The following SRGAP2C variants were observed in gnomAD, a reference collection of about 807,000 sequenced individuals.
The protein encoded by SRGAP2C is SLIT-ROBO Rho GTPase activating protein 2C, also known as SLIT-ROBO Rho GTPase-activating protein 2C.
In SRGAP2C, 15 loss-of-function variants were observed where a neutral mutation model predicts 25.1. The ratio of observed to expected loss-of-function variants is 0.60; its 90% CI spans 0.40 to 0.92. The LOEUF (loss-of-function observed/expected upper bound fraction) is 0.92, where lower values mean the gene tolerates loss of function less well. Among genes scored for constraint, SRGAP2C ranks in the 40% least tolerant of loss-of-function variants. SRGAP2C has a pLI of 0.00. For synonymous variants in SRGAP2C, 44 were observed against 96.6 expected, an observed-to-expected ratio of 0.46 and a Z score of 3.19; for missense variants, 144 against 264.4, an observed-to-expected ratio of 0.54 and a Z score of 3.16.
At chr1:121,212,124 T>A (rs1401145865) in intron 2 of SRGAP2C, among the ~76,000 whole-genome samples, 2 of 26,658 alleles carry the variant, frequency 7.5e-5, no homozygotes, top group Non-Finnish European at 1.1e-4. Context: ...TGGAGCTGTA[T>A]TTTTTTTTTT....
At chr1:121,319,747 A>G (rs1438460493) in intron 3 of SRGAP2C, among the ~76,000 whole-genome samples, 1 of 117,130 alleles carries the variant, frequency 8.5e-6, no homozygotes, top group Non-Finnish European at 1.7e-5. Context: ...CCTCTCAAGT[A>G]CAGTATGATG....
chr1:121,378,681 G>A (rs1659733334), intron 7 of SRGAP2C, among the ~76,000 whole-genome samples: 2 of 152,054 alleles, frequency 1.3e-5, no homozygotes, highest in Admixed American at 6.5e-5. Context: ...TTAAGACACG[G>A]GATGAATCCT....
chr1:121,309,395 A>G (rs1657927543), intron 3 of SRGAP2C, among the ~76,000 whole-genome samples: 1 of 142,790 alleles, frequency 7.0e-6, no homozygotes, highest in Non-Finnish European at 1.5e-5. Flanking sequence ...CATATAATAT[A>G]TCTAGCACTA....
At chr1:121,233,247 A>C (rs1553327877) in intron 2 of SRGAP2C, among the ~76,000 whole-genome samples, 1 of 76,898 alleles carries the variant, frequency 1.3e-5, no homozygotes, top group Non-Finnish European at 2.6e-5. Flanking sequence ...CCTGGATTCA[A>C]GTGTTTCTCC....
intron 2 of SRGAP2C, among the ~76,000 whole-genome samples, chr1:121,230,863 G>A (rs1553327433): frequency 6.6e-6 from 1 of 151,664 alleles, no homozygotes; most frequent in Admixed American, 6.6e-5. Context: ...CCATAAAAAA[G>A]AATGAGTTCA....
intron 3 of SRGAP2C, among the ~76,000 whole-genome samples, chr1:121,309,285 T>A (rs1264273150): frequency 1.2e-5 from 1 of 86,020 alleles, no homozygotes. Context: ...TTTATTTATT[T>A]TTTATTTATT....
At chr1:121,283,831 G>A (rs1657303882) in intron 2 of SRGAP2C, among the ~76,000 whole-genome samples, 1 of 151,744 alleles carries the variant, frequency 6.6e-6, no homozygotes, top group Non-Finnish European at 1.5e-5. Flanking sequence ...TCCTGTGAGT[G>A]CCAGGTCTCT....
At chr1:121,217,612 C>T (rs1231474208) in intron 2 of SRGAP2C, among the ~76,000 whole-genome samples, 14 of 151,902 alleles carry the variant, frequency 9.2e-5, no homozygotes, top group Non-Finnish European at 5.9e-5. Flanking sequence ...ACTCAAATTC[C>T]ACTGAAGTCT....
chr1:121,336,140 T>C (rs1553342477), intron 4 of SRGAP2C, among the ~76,000 whole-genome samples: 1 of 152,214 alleles, frequency 6.6e-6, no homozygotes, highest in Admixed American at 6.5e-5. Flanking sequence ...CCAAATTCTA[T>C]CTTCCTTACA....
intron 3 of SRGAP2C, among the ~76,000 whole-genome samples, chr1:121,285,404 T>TCTCACACA (rs1553336851): frequency 1.6e-5 from 2 of 124,490 alleles, no homozygotes; most frequent in African/African-American, 5.9e-5. Context: ...TCTCTCTCTC[T>TCTCACACA]CACACACACA....
chr1:121,361,831 GT>G (rs1250638040), intron 4 of SRGAP2C: 1 of 133,294 alleles, frequency 7.5e-6, no homozygotes, highest in Non-Finnish European at 1.6e-5. Context: ...TTTGTCCAAA[GT>G]AATTTTTTCC....
intron 2 of SRGAP2C, among the ~76,000 whole-genome samples, chr1:121,237,961 T>C (rs1655999952): frequency 1.0e-5 from 1 of 99,924 alleles, no homozygotes; most frequent in Non-Finnish European, 2.1e-5. Flanking sequence ...AGAACCAGCA[T>C]TGGGTTTTCT....
chr1:121,306,737 GA>G (rs1256245452), intron 3 of SRGAP2C, among the ~76,000 whole-genome samples: 1 of 143,048 alleles, frequency 7.0e-6, no homozygotes, highest in African/African-American at 2.6e-5. Context: ...AAGAAAAAAA[GA>G]AAAAAACGAT....
At chr1:121,329,238 A>G (rs1406740857) in intron 4 of SRGAP2C, among the ~76,000 whole-genome samples, 26 of 152,106 alleles carry the variant, frequency 1.7e-4, no homozygotes, top group Non-Finnish European at 3.8e-4. Context: ...AGAGAGATTA[A>G]GAAAAATGAA....
At chr1:121,278,153 C>T (rs1177100923) in intron 2 of SRGAP2C, among the ~76,000 whole-genome samples, 1 of 151,854 alleles carries the variant, frequency 6.6e-6, no homozygotes, top group Non-Finnish European at 1.5e-5. Context: ...TGCCATGTTG[C>T]CCAGGCTCGT....
rs1315581028 is a variant in SRGAP2C, at chr1:121,391,492, TTTTC to T, written c.*3641_*3644del. 6.6e-6 allele frequency: 1 copy of T among 152,316 alleles called. No individual in the cohort carries two copies. Among genetic ancestry groups the T allele is most frequent in the Non-Finnish European group, 1.5e-5 (1 of 68,062 alleles). 9.4% of individuals were successfully genotyped at this position (152,316 alleles called of 1,614,324 possible). ...ATTTTGCTGGACAATGATTACTTGC[TTTTC>T]TTTTTGTTTTTCTTGTATATGCCTG... On this transcript the variant is annotated 3_prime_UTR_variant, in exon 10 of 10. Coordinates refer to ENST00000367123, the MANE Select transcript of SRGAP2C (RefSeq NM_001329984.2).
At chr1:121,208,887 C>T (rs1655182301) in intron 2 of SRGAP2C, among the ~76,000 whole-genome samples, 1 of 151,650 alleles carries the variant, frequency 6.6e-6, no homozygotes, top group Non-Finnish European at 1.5e-5. Flanking sequence ...CAGATGTCTT[C>T]TCAACTGTAG....
Position 121,392,226 on chromosome 1 carries a change from A to G in SRGAP2C, c.*4371A>G, listed in dbSNP as rs1570847452. 6.6e-6 allele frequency: 1 copy of G among 152,198 alleles called. No homozygotes were observed. The highest frequency in any genetic ancestry group is 1.5e-5 in the Non-Finnish European group (1 of 68,016). 9.4% of individuals were successfully genotyped at this position (152,198 alleles called of 1,614,324 possible). A position where few individuals can be genotyped will look rare whatever the true frequency, so the allele number is the denominator to read the frequency against. ...TCAAATAGACCAACATTCATATTCT[A>G]GAAGGATAAATTATGTTGTTAAAAA... is the stretch of plus-strand genomic sequence containing the variant. On this transcript the variant is annotated 3_prime_UTR_variant, in exon 10 of 10. Coordinates refer to ENST00000367123, the MANE Select transcript of SRGAP2C (RefSeq NM_001329984.2).
At chr1:121,288,842 C>T (rs1657429175) in intron 3 of SRGAP2C, among the ~76,000 whole-genome samples, 2 of 68,572 alleles carry the variant, frequency 2.9e-5, no homozygotes, top group Non-Finnish European at 5.6e-5. Context: ...TTCAGAGTGC[C>T]GATTGGTGTA....
Sources: gnomAD v4.1 joint callset for allele counts (sites outside exome capture counted in the v4.1 genomes callset) on GRCh38, gnomAD v4.1.1 for gene constraint, MANE v1.5 for transcripts, NCBI Gene and HGNC (gene_info 2026-07-23, HGNC 2026-07-21) for gene names.